Variants in PDE1A observed in about 807,000 individuals in gnomAD.
PDE1A encodes the protein dual specificity calcium/calmodulin-dependent 3',5'-cyclic nucleotide phosphodiesterase 1A.
PDE1A carries 35 observed loss-of-function variants against 61.7 expected under a neutral mutation model. That is an observed-to-expected ratio of 0.57 (90% CI 0.43 to 0.75). The LOEUF (loss-of-function observed/expected upper bound fraction) is 0.75. PDE1A is among the 30% of genes least tolerant of loss of function. The probability of loss-of-function intolerance (pLI) is 0.00; values close to 1 mark genes in which losing one functional copy is unlikely to be tolerated. For synonymous variants in PDE1A, 232 were observed against 213.2 expected, an observed-to-expected ratio of 1.09 and a Z score of -0.77; for missense variants, 597 against 630.6, an observed-to-expected ratio of 0.95 and a Z score of 0.57.
the PDE1A span, among the ~76,000 whole-genome samples, chr2:182,702,306 T>C: frequency 3.9e-5 from 6 of 152,206 alleles, no homozygotes; most frequent in African/African-American, 1.4e-4. Flanking sequence ...GGTTTCACCA[T>C]GTTGCCAGCT....
At chr2:182,394,450 T>C (rs1701589708) in intron 1 of PDE1A, among the ~76,000 whole-genome samples, 1 of 152,014 alleles carries the variant, frequency 6.6e-6, no homozygotes, top group Non-Finnish European at 1.5e-5. Flanking sequence ...CATGTGGGGA[T>C]TATGGGAGCT....
intron 1 of PDE1A, among the ~76,000 whole-genome samples, chr2:182,407,972 C>T (rs1430148): frequency 0.16 from 24,224 of 151,994 alleles, 2,283 homozygotes; most frequent in Middle Eastern, 0.31. Flanking sequence ...TCAACAGCAT[C>T]CACAGCAATT....
chr2:182,562,381 T>A, the PDE1A span, among the ~76,000 whole-genome samples: 100,879 of 140,120 alleles, frequency 0.72, 39,187 homozygotes, highest in East Asian at 0.99. Flanking sequence ...ATATTGAACC[T>A]GCCTTGCATC....
intron 2 of PDE1A, among the ~76,000 whole-genome samples, chr2:182,514,408 C>T (rs1427654629): frequency 6.6e-6 from 1 of 152,162 alleles, no homozygotes; most frequent in East Asian, 1.9e-4. Flanking sequence ...CCAGAGGCAG[C>T]ACACTACCCA....
At chr2:182,231,757 A>T (rs1333090210) in intron 4 of PDE1A, among the ~76,000 whole-genome samples, 1 of 152,016 alleles carries the variant, frequency 6.6e-6, no homozygotes. Context: ...CTACAAAAAA[A>T]TACAAAAATT....
intron 1 of PDE1A, among the ~76,000 whole-genome samples, chr2:182,333,362 G>A (rs1697556612): frequency 6.6e-6 from 1 of 152,142 alleles, no homozygotes; most frequent in Non-Finnish European, 1.5e-5. Context: ...CAAAAGGACT[G>A]AAATCAAAAC....
At position 182,194,646 on chromosome 2, in the gene PDE1A, G is replaced by C. The variant is rs1314162373; in HGVS notation, c.1126-5586C>G. On this transcript the variant is annotated intron_variant, in intron 10 of 13. Transcript: ENST00000351439. ...TGGATACAATTCTGATCTCTGGCTA[G>C]TTTCTCACGGCTTTAGAGGGTGAAA... Among the ~76,000 whole-genome samples the C allele has an allele frequency of 1.3e-5, 2 of 152,020 alleles. 1 individual carries two copies. The highest frequency in any genetic ancestry group is 2.9e-5 in the Non-Finnish European group (2 of 67,974).
the PDE1A span, among the ~76,000 whole-genome samples, chr2:182,621,526 G>A: frequency 6.6e-6 from 1 of 151,868 alleles, no homozygotes; most frequent in African/African-American, 2.4e-5. Context: ...TAAAACTGAG[G>A]TCTGTTGTGT....
At chr2:182,513,462 C>G (rs961720744) in intron 2 of PDE1A, among the ~76,000 whole-genome samples, 2 of 152,112 alleles carry the variant, frequency 1.3e-5, no homozygotes, top group Non-Finnish European at 2.9e-5. Context: ...CTAAACATAG[C>G]AACAAAAAAC....
At chr2:182,325,438 G>A (rs1345339550) in intron 1 of PDE1A, among the ~76,000 whole-genome samples, 1 of 151,884 alleles carries the variant, frequency 6.6e-6, no homozygotes, top group East Asian at 1.9e-4. Context: ...CCAAAAACAT[G>A]GGTAATGAAA....
chr2:182,343,616 A>G (rs1698335376), intron 1 of PDE1A, among the ~76,000 whole-genome samples: 1 of 152,212 alleles, frequency 6.6e-6, no homozygotes, highest in African/African-American at 2.4e-5. Context: ...ATACAGGTCT[A>G]TGTCTTCTAA....
chr2:182,568,399 CTG>C, the PDE1A span, among the ~76,000 whole-genome samples: 1 of 152,190 alleles, frequency 6.6e-6, no homozygotes, highest in Non-Finnish European at 1.5e-5. Flanking sequence ...AACACAAAGA[CTG>C]GGCGCGGTGG....
intron 1 of PDE1A, among the ~76,000 whole-genome samples, chr2:182,320,581 A>G (rs1268313598): frequency 6.6e-6 from 1 of 152,198 alleles, no homozygotes; most frequent in African/African-American, 2.4e-5. Context: ...GTTTGTAAGT[A>G]TATATTAGCA....
rs932543447 is a variant in PDE1A at position 182,451,163 on chromosome 2, A to G, written c.101+71113T>C. On this transcript the variant is annotated intron_variant, in intron 2 of 14. Transcript: ENST00000410103. ...GGAGGCCGAGGCGGGCGGATCACGAAGTCAGGAGATCGAGACCATCCCGGC... is the reference window on the plus strand; with the variant it reads ...GGAGGCCGAGGCGGGCGGATCACGAGGTCAGGAGATCGAGACCATCCCGGC... Among the ~76,000 whole-genome samples the G allele has an allele frequency of 3.7e-4, 30 of 80,912 alleles. 11 individuals are homozygous for G. The highest frequency in any genetic ancestry group is 1.3e-3 in the South Asian group (2 of 1,486). 53.1% of individuals were successfully genotyped at this position (80,912 alleles called of 152,430 possible).
chr2:182,361,569 TAC>T (rs1223001176), intron 1 of PDE1A, among the ~76,000 whole-genome samples: 4 of 152,218 alleles, frequency 2.6e-5, no homozygotes, highest in South Asian at 2.1e-4. Context: ...CTTTAATTTC[TAC>T]ACACACAGTT....
intron 1 of PDE1A, among the ~76,000 whole-genome samples, chr2:182,400,454 C>A (rs1054698091): frequency 3.9e-5 from 6 of 152,132 alleles, no homozygotes; most frequent in African/African-American, 1.4e-4. Context: ...TCGTATATGG[C>A]CCCAGAAAGA....
intron 13 of PDE1A, among the ~76,000 whole-genome samples, chr2:182,179,671 A>G (rs1238978895): frequency 6.6e-6 from 1 of 151,028 alleles, no homozygotes; most frequent in African/African-American, 2.4e-5. Context: ...TCCTTTCTCT[A>G]CCCCCTCCTC....
chr2:182,590,398 T>A, the PDE1A span, among the ~76,000 whole-genome samples: 18 of 152,110 alleles, frequency 1.2e-4, no homozygotes, highest in East Asian at 3.5e-3. Flanking sequence ...CACCCAGGAG[T>A]TCAGGGCTGC....
intron 1 of PDE1A, among the ~76,000 whole-genome samples, chr2:182,348,540 G>A (rs919230864): frequency 6.6e-6 from 1 of 151,840 alleles, no homozygotes; most frequent in African/African-American, 2.4e-5. Context: ...CTGGTTCTTC[G>A]CACATGTTCC....
Sources: allele counts gnomAD v4.1 joint callset (sites outside exome capture counted in the v4.1 genomes callset), GRCh38; gene constraint gnomAD v4.1.1; transcripts MANE v1.5; gene names NCBI Gene and HGNC (gene_info 2026-07-23, HGNC 2026-07-21).